ZFP64: variants seen among roughly 807,000 people sequenced by gnomAD.
ZFP64 encodes ZFP64 zinc finger protein, also known as zinc finger protein 64.
Under a neutral mutation model 51.6 loss-of-function variants are expected in ZFP64, and 14 were observed. The observed-to-expected ratio is 0.27, with a 90% CI of 0.18 to 0.42. The LOEUF is 0.42. ZFP64 is among the 10% of genes least tolerant of loss of function. The pLI is 1.00. For synonymous variants in ZFP64, 375 were observed against 361.4 expected, an observed-to-expected ratio of 1.04 and a Z score of -0.43; for missense variants, 754 against 906.8, an observed-to-expected ratio of 0.83 and a Z score of 2.16.
chr20:52,086,119 T>C (rs927382555), intron 8 of ZFP64, among the ~76,000 whole-genome samples: 3 of 151,808 alleles, frequency 2.0e-5, no homozygotes, highest in Non-Finnish European at 4.4e-5. Context: ...GTAGCTTTCT[T>C]TTCACCTTTA....
At chr20:52,106,536 T>C (rs992385797) in intron 5 of ZFP64, among the ~76,000 whole-genome samples, 1 of 152,156 alleles carries the variant, frequency 6.6e-6, no homozygotes, top group African/African-American at 2.4e-5. Flanking sequence ...ACGAGCCTTC[T>C]GTGAGGTTAC....
At chr20:52,172,239 ACAGT>A (rs894188784) in intron 2 of ZFP64, among the ~76,000 whole-genome samples, 9 of 151,276 alleles carry the variant, frequency 5.9e-5, no homozygotes, top group African/African-American at 9.7e-5. Flanking sequence ...GTGTGTGTGT[ACAGT>A]CAGATTGACC....
chr20:52,180,681 T>A (rs1983552842), intron 2 of ZFP64, among the ~76,000 whole-genome samples: 1 of 152,154 alleles, frequency 6.6e-6, no homozygotes. Context: ...CCTGATTATG[T>A]AATGAGAGCT....
intron 5 of ZFP64, among the ~76,000 whole-genome samples, chr20:52,132,347 A>G (rs563258138): frequency 2.4e-4 from 36 of 152,238 alleles, no homozygotes; most frequent in Non-Finnish European, 4.6e-4. Flanking sequence ...CAAAATTAGT[A>G]GAAGAAATAA....
intron 2 of ZFP64, among the ~76,000 whole-genome samples, chr20:52,180,891 C>A (rs1983566156): frequency 6.6e-6 from 1 of 152,102 alleles, no homozygotes; most frequent in South Asian, 2.1e-4. Flanking sequence ...GGACCCCAGA[C>A]TCTTCATTAC....
chr20:52,162,785 G>T (rs1355319437), intron 4 of ZFP64, among the ~76,000 whole-genome samples: 1 of 152,182 alleles, frequency 6.6e-6, no homozygotes, highest in Non-Finnish European at 1.5e-5. Context: ...CTGGATGTTG[G>T]CAGAGCTCAG....
chr20:52,134,541 C>T lies in ZFP64; in HGVS notation c.763+25582G>A, dbSNP rs1026185565. On this transcript the variant is annotated intron_variant, in intron 5 of 8. Transcript: ENST00000361387. Reference sequence around the variant, plus strand: ...TTTTCAGCCTAAAGCTGCTTCTTTGCGATGCTTTCAGGAAGGGTGGCATCA... The same window carrying T: ...TTTTCAGCCTAAAGCTGCTTCTTTGTGATGCTTTCAGGAAGGGTGGCATCA... Among the ~76,000 whole-genome samples the T allele has an allele frequency of 7.2e-5, 11 of 152,248 alleles. No individual in the cohort carries two copies. The South Asian group carries it at 8.3e-4, about 11-fold the overall frequency.
At position 52,152,720 on chromosome 20, in the gene ZFP64, TG is replaced by T; in HGVS notation, c.1471del (p.Gln491SerfsTer29). 1.3e-6 allele frequency: 2 copies of T among 1,569,524 alleles called. No individual in the cohort carries two copies. ...GATTTTGACTCTTCCCTCGCTGAAC[TG>T]GGGCACTTGGCTGGGCTGGAGGGGC... ...QVPLQPSQVP[Q>X]FSEGRVKIIV... is the part of the protein sequence containing the mutation. On this transcript the variant is annotated frameshift_variant, in exon 6 of 6. Transcript: ENST00000216923. LOFTEE classifies it high-confidence loss of function.
intron 5 of ZFP64, among the ~76,000 whole-genome samples, chr20:52,157,519 A>G (rs1981413807): frequency 6.6e-6 from 1 of 152,184 alleles, no homozygotes; most frequent in South Asian, 2.1e-4. Context: ...GGATGTTCCA[A>G]TGGGCAGGGT....
intron 2 of ZFP64, among the ~76,000 whole-genome samples, chr20:52,169,845 G>C (rs992519221): frequency 6.6e-6 from 1 of 152,116 alleles, no homozygotes; most frequent in Non-Finnish European, 1.5e-5. Flanking sequence ...CCCGAGGTCG[G>C]GAGTTTGAGA....
intron 5 of ZFP64, among the ~76,000 whole-genome samples, chr20:52,119,555 CAT>C (rs1160872873): frequency 4.8e-4 from 37 of 77,724 alleles, no homozygotes; most frequent in African/African-American, 1.3e-3. Flanking sequence ...TATATATATA[CAT>C]ATATATATAT....
intron 5 of ZFP64, among the ~76,000 whole-genome samples, chr20:52,101,841 G>A (rs111956592): frequency 0.014 from 2,127 of 151,324 alleles, 44 homozygotes; most frequent in African/African-American, 0.048. Flanking sequence ...AGTCTCAGCC[G>A]GGTGCCGTGG....
At chr20:52,177,900 T>G (rs1370658873) in intron 2 of ZFP64, among the ~76,000 whole-genome samples, 1 of 151,496 alleles carries the variant, frequency 6.6e-6, no homozygotes, top group Non-Finnish European at 1.5e-5. Flanking sequence ...GGTGTGGCAG[T>G]GGGTGCCTGT....
chr20:52,155,249 T>C lies in ZFP64; in HGVS notation c.764-1821A>G, dbSNP rs1288352716. On this transcript the variant is annotated intron_variant, in intron 5 of 5. Coordinates refer to ENST00000216923, the MANE Select transcript of ZFP64 (RefSeq NM_018197.3). ...TGCAGCAATCATTATGAAGAGATTT[T>C]TGATTTCCGCTGGCGACAACTTTAC... Among the ~76,000 whole-genome samples the C allele has an allele frequency of 2.0e-5, 3 of 152,360 alleles. No homozygotes were observed. The East Asian group carries it at 5.8e-4, about 29-fold the overall frequency.
In ZFP64 at chr20:52,182,222, G is replaced by T. The variant is rs151222205; in HGVS notation, c.286+4610C>A. Among the ~76,000 whole-genome samples the T allele has an allele frequency of 4.6e-5, 7 of 152,324 alleles. No individual in the cohort carries two copies. In the East Asian group the frequency reaches 1.4e-3, roughly 29 times the overall value. On this transcript the variant is annotated intron_variant, in intron 2 of 5. Coordinates refer to ENST00000216923, the MANE Select transcript of ZFP64 (RefSeq NM_018197.3). ...CACAGCCTAGGGCTGTTAGGTGGTG[G>T]ATTGGGATGCGAGTCCAGCAGTCTA...
At chr20:52,138,601 G>A (rs147865222) in intron 5 of ZFP64, among the ~76,000 whole-genome samples, 9 of 151,834 alleles carry the variant, frequency 5.9e-5, no homozygotes, top group Non-Finnish European at 1.2e-4. Context: ...GACAAAGAAC[G>A]TAGAACAGCT....
chr20:52,086,644 A>AT (rs1173169176), intron 8 of ZFP64, among the ~76,000 whole-genome samples: 1 of 151,618 alleles, frequency 6.6e-6, no homozygotes, highest in African/African-American at 2.4e-5. Context: ...CGCCCAGCTA[A>AT]TTTTTTTGTA....
chr20:52,175,735 G>A (rs563489244), intron 2 of ZFP64, among the ~76,000 whole-genome samples: 5 of 152,256 alleles, frequency 3.3e-5, no homozygotes, highest in African/African-American at 1.2e-4. Context: ...TCCCAGGCAC[G>A]TGGGAGGCTG....
chr20:52,161,823 A>T (rs955304139), intron 4 of ZFP64, among the ~76,000 whole-genome samples: 4 of 152,170 alleles, frequency 2.6e-5, no homozygotes, highest in Admixed American at 2.6e-4. Context: ...CTATTAGGAG[A>T]GCTGACTTTT....
Sources: gnomAD v4.1 joint callset for allele counts (sites outside exome capture counted in the v4.1 genomes callset) on GRCh38, gnomAD v4.1.1 for gene constraint, MANE v1.5 for transcripts, NCBI Gene and HGNC (gene_info 2026-07-23, HGNC 2026-07-21) for gene names.